Variants in FRMD3 observed in about 807,000 individuals in gnomAD.
FRMD3 encodes the protein FERM domain-containing protein 3.
A neutral mutation model predicts 70.2 loss-of-function variants in FRMD3; 33 were observed. The observed-to-expected ratio is 0.47, with a 90% CI of 0.36 to 0.63. The LOEUF (loss-of-function observed/expected upper bound fraction) is 0.63, where lower values mean the gene tolerates loss of function less well. Ranked by LOEUF, FRMD3 falls within the 20% of genes least tolerant of loss-of-function variation. The probability of loss-of-function intolerance (pLI) is 0.00; values close to 1 mark genes in which losing one functional copy is unlikely to be tolerated. For synonymous variants in FRMD3, 279 were observed against 255.9 expected (o/e 1.09, Z -0.86); for missense variants, 632 against 711.4 (o/e 0.89, Z 1.27).
chr9:83,416,842 A>C (rs1286905667), intron 1 of FRMD3, among the ~76,000 whole-genome samples: 1 of 149,628 alleles, frequency 6.7e-6, no homozygotes, highest in Non-Finnish European at 1.5e-5. Flanking sequence ...GGCCAGCAGC[A>C]GGAATAGTGT....
At chr9:83,296,420 C>T (rs1393525378) in intron 12 of FRMD3, among the ~76,000 whole-genome samples, 1 of 152,162 alleles carries the variant, frequency 6.6e-6, no homozygotes, top group Non-Finnish European at 1.5e-5. Flanking sequence ...ATATATTGAC[C>T]TCTACTATGT....
At position 83,342,043 on chromosome 9, in the gene FRMD3, A is replaced by ATCTCTCTCTCTCTCTCTC. The variant is rs112748690; in HGVS notation, c.472+1129_472+1146dup. 4.7e-3 allele frequency among the ~76,000 whole-genome samples: 662 copies of ATCTCTCTCTCTCTCTCTC among 139,680 alleles called. 12 individuals carry two copies. The highest frequency in any genetic ancestry group is 7.1e-3 in the African/African-American group (258 of 36,240). The allele number at this position is 139,680 out of a possible 152,430, so 91.6% of individuals were successfully genotyped here. On this transcript the variant is annotated intron_variant, in intron 5 of 13. Coordinates refer to ENST00000304195, the MANE Select transcript of FRMD3 (RefSeq NM_174938.6). ...GATCCATTGGAAGATTGACATAGTC[A>ATCTCTCTCTCTCTCTCTC]TCTCTCTCTCTCTCTCTCTCTCTCT...
intron 1 of FRMD3, among the ~76,000 whole-genome samples, chr9:83,437,264 C>T (rs73465767): frequency 0.11 from 17,272 of 152,150 alleles, 1,153 homozygotes; most frequent in African/African-American, 0.17. Context: ...GAGGAGGCAA[C>T]TCAACATTTA....
At chr9:83,277,995 T>C (rs745433128) in intron 13 of FRMD3, among the ~76,000 whole-genome samples, 4 of 152,182 alleles carry the variant, frequency 2.6e-5, no homozygotes, top group Non-Finnish European at 4.4e-5. Flanking sequence ...TGTTTGATAG[T>C]GTCAGGTGTT....
chr9:83,499,251 A>G (rs1048872383), intron 1 of FRMD3, among the ~76,000 whole-genome samples: 1 of 152,166 alleles, frequency 6.6e-6, no homozygotes, highest in Admixed American at 6.5e-5. Flanking sequence ...ATCAGCTGCA[A>G]TCTCACCACA....
chr9:83,465,025 G>GA (rs147660924), intron 1 of FRMD3, among the ~76,000 whole-genome samples: 7,202 of 119,362 alleles, frequency 0.06, 287 homozygotes, highest in East Asian at 0.17. Flanking sequence ...GTCTCAAAAA[G>GA]AAAAAAAAAA....
the FRMD3 span, among the ~76,000 whole-genome samples, chr9:83,584,757 C>T: frequency 1.3e-5 from 2 of 152,118 alleles, no homozygotes; most frequent in Non-Finnish European, 2.9e-5. Flanking sequence ...AGCCCAAATG[C>T]CTGGGTTCTA....
chr9:83,502,311 T>A (rs1829087075), intron 1 of FRMD3, among the ~76,000 whole-genome samples: 1 of 152,154 alleles, frequency 6.6e-6, no homozygotes, highest in Admixed American at 6.5e-5. Flanking sequence ...GGGTACATTC[T>A]AAAGGCATGT....
chr9:83,262,685 T>C (rs1174702680), intron 13 of FRMD3, among the ~76,000 whole-genome samples: 1 of 152,186 alleles, frequency 6.6e-6, no homozygotes, highest in African/African-American at 2.4e-5. Context: ...ATATGTGTCA[T>C]GCTATGTCAT....
intron 3 of FRMD3, among the ~76,000 whole-genome samples, chr9:83,370,930 A>G (rs527722728): frequency 3.1e-4 from 47 of 152,228 alleles, no homozygotes; most frequent in Middle Eastern, 6.8e-3. Flanking sequence ...TATGCATTTT[A>G]GTTGGTTGTT....
At chr9:83,544,063 G>A in the FRMD3 span, among the ~76,000 whole-genome samples, 1 of 152,168 alleles carries the variant, frequency 6.6e-6, no homozygotes, top group Non-Finnish European at 1.5e-5. Flanking sequence ...CCTCTGTACA[G>A]ACAGTGGCAG....
chr9:83,404,066 ACG>A (rs910791974), intron 1 of FRMD3, among the ~76,000 whole-genome samples: 2 of 109,368 alleles, frequency 1.8e-5, no homozygotes, highest in African/African-American at 8.6e-5. Flanking sequence ...CTGCATACAC[ACG>A]CACACACACA....
intron 13 of FRMD3, among the ~76,000 whole-genome samples, chr9:83,284,571 G>A (rs1367875826): frequency 6.6e-6 from 1 of 152,166 alleles, no homozygotes; most frequent in Non-Finnish European, 1.5e-5. Context: ...TTGTGCCACT[G>A]CACTCCAGCC....
intron 1 of FRMD3, among the ~76,000 whole-genome samples, chr9:83,452,704 C>G (rs921195113): frequency 6.6e-6 from 1 of 151,958 alleles, no homozygotes; most frequent in Admixed American, 6.6e-5. Flanking sequence ...GGATGGTCTC[C>G]ATCTCCTGAC....
intron 4 of FRMD3, among the ~76,000 whole-genome samples, chr9:83,343,715 G>A (rs1823857086): frequency 6.6e-6 from 1 of 152,234 alleles, no homozygotes; most frequent in Non-Finnish European, 1.5e-5. Context: ...CATAAGGCCA[G>A]CCTCATCATT....
intron 13 of FRMD3, among the ~76,000 whole-genome samples, chr9:83,266,389 C>A (rs556023712): frequency 2.6e-5 from 4 of 152,314 alleles, no homozygotes; most frequent in African/African-American, 9.6e-5. Flanking sequence ...TTGGTAAAAA[C>A]CACATTTATA....
At position 83,372,775 on chromosome 9, in the gene FRMD3, C is replaced by G. The variant is rs1249844329; in HGVS notation, c.295+138G>C. The stretch of plus-strand genomic sequence containing the variant: ...AAGAGGGGAGAAAATACAGAGCTCT[C>G]CTGGGGAGAGAGAAGCCCCCACACC... On this transcript the variant is annotated intron_variant, in intron 3 of 13. Coordinates refer to ENST00000304195, the MANE Select transcript of FRMD3 (RefSeq NM_174938.6). 1.0e-5 allele frequency: 8 copies of G among 762,524 alleles called. No individual in the cohort carries two copies. In the Admixed American group the frequency reaches 1.6e-4, roughly 15 times the overall value. 47.2% of individuals were successfully genotyped at this position (762,524 alleles called of 1,614,324 possible).
intron 1 of FRMD3, among the ~76,000 whole-genome samples, chr9:83,443,409 C>T (rs567236636): frequency 7.9e-5 from 12 of 152,244 alleles, no homozygotes; most frequent in Middle Eastern, 3.4e-3. Context: ...TCCATCCTTG[C>T]GATAGTTTGC....
chr9:83,547,381 CTGT>C, the FRMD3 span, among the ~76,000 whole-genome samples: 1 of 149,442 alleles, frequency 6.7e-6, no homozygotes, highest in African/African-American at 2.5e-5. Flanking sequence ...TCTTTTTTTA[CTGT>C]TGTTGATTTA....
Sources: allele counts gnomAD v4.1 joint callset (sites outside exome capture counted in the v4.1 genomes callset), GRCh38; gene constraint gnomAD v4.1.1; transcripts MANE v1.5; gene names NCBI Gene and HGNC (gene_info 2026-07-23, HGNC 2026-07-21).